The following BCL2L11 variants were observed in gnomAD, a reference collection of about 807,000 sequenced individuals.
BCL2L11 encodes the protein bcl-2-like protein 11.
Under a neutral mutation model 20.6 loss-of-function variants are expected in BCL2L11, and 15 were observed. The observed-to-expected ratio is 0.73, with a 90% CI of 0.49 to 1.12. The LOEUF (loss-of-function observed/expected upper bound fraction) is 1.12, where lower values mean the gene tolerates loss of function less well. Among genes scored for constraint, BCL2L11 ranks in the 50% most tolerant of loss-of-function variants. The pLI is 0.00. For missense variants in BCL2L11, 292 were observed against 260.9 expected, an observed-to-expected ratio of 1.12 and a Z score of -0.82; for synonymous variants, 108 against 92.8, an observed-to-expected ratio of 1.16 and a Z score of -0.94.
intron 2 of BCL2L11, chr2:111,128,500 A>G: frequency 1.6e-6 from 2 of 1,278,356 alleles, no homozygotes; most frequent in South Asian, 2.1e-5. Flanking sequence ...TCTATTTTTA[A>G]TTTTTTGGGG....
chr2:111,159,132 C>T (rs1559085280), intron 3 of BCL2L11, among the ~76,000 whole-genome samples: 1 of 152,174 alleles, frequency 6.6e-6, no homozygotes, highest in Non-Finnish European at 1.5e-5. Flanking sequence ...AGCAACGGGC[C>T]CTTCCCAGCA....
chr2:111,131,032 G>A (rs765655246), intron 2 of BCL2L11, among the ~76,000 whole-genome samples: 14 of 152,050 alleles, frequency 9.2e-5, no homozygotes, highest in African/African-American at 2.4e-4. Flanking sequence ...GAGTATTTGC[G>A]CCTAAGTTCT....
intron 3 of BCL2L11, among the ~76,000 whole-genome samples, chr2:111,158,106 G>C (rs1168368156): frequency 6.6e-6 from 1 of 152,246 alleles, no homozygotes; most frequent in East Asian, 1.9e-4. Context: ...TACCAGCTCA[G>C]CTGCCGTTTG....
intron 3 of BCL2L11, among the ~76,000 whole-genome samples, chr2:111,154,362 A>G (rs530555194): frequency 1.3e-5 from 2 of 152,004 alleles, no homozygotes; most frequent in Admixed American, 6.6e-5. Flanking sequence ...AGAAAAAAAA[A>G]AAAAAAAGAA....
intron 2 of BCL2L11, among the ~76,000 whole-genome samples, chr2:111,127,089 T>G (rs1182881138): frequency 1.3e-5 from 2 of 152,204 alleles, no homozygotes; most frequent in Non-Finnish European, 2.9e-5. Flanking sequence ...TACAGTTTTT[T>G]CACTTTTCCT....
chr2:111,126,973 A>G (rs977236461), intron 2 of BCL2L11, among the ~76,000 whole-genome samples: 8 of 151,542 alleles, frequency 5.3e-5, no homozygotes, highest in African/African-American at 1.5e-4. Context: ...GGAGGAATGT[A>G]TAGTAGTTGA....
intron 3 of BCL2L11, among the ~76,000 whole-genome samples, chr2:111,158,797 T>G (rs2078203299): frequency 6.6e-6 from 1 of 152,216 alleles, no homozygotes; most frequent in Non-Finnish European, 1.5e-5. Flanking sequence ...TTAACTAAAC[T>G]GTGGCTCTCT....
chr2:111,161,353 C>T (rs2078523299), intron 3 of BCL2L11: 9 of 1,522,066 alleles, frequency 5.9e-6, no homozygotes, highest in Non-Finnish European at 8.0e-6. Context: ...TCAGGAAAGA[C>T]AGTCTGTCTT....
chr2:111,151,923 A>G, intron 3 of BCL2L11: 2 of 1,490,788 alleles, frequency 1.3e-6, no homozygotes, highest in Non-Finnish European at 1.8e-6. Flanking sequence ...GGTTGGTTTT[A>G]TAACTTGTCA....
rs2077065300 is a variant in BCL2L11, at chr2:111,150,070, G to A, written c.421G>A (p.Asp141Asn). The change falls in exon 3 of 4, where the codon GAT (aspartate) becomes AAT (asparagine). Residue 141 changes from aspartate to asparagine, a missense_variant. By Grantham distance (23) the Asp-to-Asn change is conservative. Transcript: ENST00000393256. Reference protein sequence around the residue: ...MASMRQAEPADMRPEIWIAQE... With the variant: ...MASMRQAEPANMRPEIWIAQE... The stretch of plus-strand genomic sequence containing the variant: ...TTCCATGAGGCAGGCTGAACCTGCA[G>A]ATATGCGCCCAGAGATATGGATCGC... 1.2e-6 allele frequency: 2 copies of A among 1,614,002 alleles called. No homozygotes were observed. The highest frequency in any genetic ancestry group is 1.7e-6 in the Non-Finnish European group (2 of 1,179,936).
intron 3 of BCL2L11, among the ~76,000 whole-genome samples, chr2:111,152,579 TG>T (rs1439539309): frequency 6.6e-6 from 1 of 152,100 alleles, no homozygotes; most frequent in Non-Finnish European, 1.5e-5. Context: ...AGGCTAAGGC[TG>T]GCATGGGGAC....
intron 2 of BCL2L11, among the ~76,000 whole-genome samples, chr2:111,142,889 A>G (rs1446036815): frequency 6.6e-6 from 1 of 152,234 alleles, no homozygotes; most frequent in Non-Finnish European, 1.5e-5. Flanking sequence ...CTTCAAATTA[A>G]GCATTTTAAT....
chr2:111,145,910 T>C, intron 2 of BCL2L11: 1 of 939,308 alleles, frequency 1.1e-6, no homozygotes, highest in Non-Finnish European at 1.3e-6. Flanking sequence ...AAGTTTTGAT[T>C]AGTGGCTTTC....
rs745471258 is a variant in BCL2L11 at position 111,124,125 on chromosome 2, A to G, written c.380A>G (p.Tyr127Cys). 17 of 1,610,424 alleles carry G rather than the reference A, an allele frequency of 1.1e-5. No individual in the cohort carries two copies. The highest frequency in any genetic ancestry group is 4.5e-5 in the East Asian group (2 of 44,874). ...PSPPCQAFNH[Y>C]LSAMASMRQA... ...CCTCCTTGCCAGGCCTTCAACCACT[A>G]TCTCAGTGCAATGGGTAAGCAATGC... is the stretch of plus-strand genomic sequence containing the variant. Residue 127 changes from tyrosine to cysteine, a missense_variant, in exon 2 of 4, where the codon TAT becomes TGT. By Grantham distance (194) the Tyr-to-Cys change is radical. Coordinates refer to ENST00000393256, the MANE Select transcript of BCL2L11 (RefSeq NM_138621.5).
chr2:111,128,480 A>G (rs1168033726), intron 2 of BCL2L11: 1 of 1,172,746 alleles, frequency 8.5e-7, no homozygotes, highest in Non-Finnish European at 1.1e-6. Context: ...TTGCTGGATC[A>G]TATGGTAATT....
chr2:111,150,881 CT>C lies in BCL2L11; in HGVS notation c.498+738del, dbSNP rs112155620. Among the ~76,000 whole-genome samples the C allele has an allele frequency of 7.8e-4, 104 of 133,568 alleles. 4 individuals are homozygous for C. The highest frequency in any genetic ancestry group is 2.6e-3 in the African/African-American group (87 of 33,834). 87.6% of individuals were successfully genotyped at this position (133,568 alleles called of 152,430 possible). ...TTGGACACCTTTTTCACATGGGACA[CT>C]TTTGTTTGTTTGTTTGTTTGTTTGT... On this transcript the variant is annotated intron_variant, in intron 3 of 3. Transcript: ENST00000393256.
Position 111,123,858 on chromosome 2 carries a change from C to T in BCL2L11, c.113C>T (p.Thr38Ile). 1 of 1,593,196 alleles carries T rather than the reference C, an allele frequency of 6.3e-7. No homozygotes were observed. The highest frequency in any genetic ancestry group is 8.5e-7 in the Non-Finnish European group (1 of 1,169,708). ...CCTGGGGCCCCTACCTCCCTACAGA[C>T]AGAGCCACAAGGTAATCCTGAAGGC... ...LRPGAPTSLQ[T>I]EPQGNPEGNH... The change falls in exon 2 of 4, where the codon ACA becomes ATA. Residue 38 changes from threonine to isoleucine, a missense_variant. Physicochemically the swap from Thr to Ile is moderately conservative, Grantham distance 89. Transcript: ENST00000393256.
chr2:111,141,497 C>T (rs1262767084), intron 2 of BCL2L11, among the ~76,000 whole-genome samples: 2 of 125,556 alleles, frequency 1.6e-5, no homozygotes, highest in African/African-American at 6.3e-5. Context: ...GGGAATATCA[C>T]ACTCTGGGGA....
chr2:111,166,355 C>T lies in BCL2L11; in HGVS notation c.*2124C>T, dbSNP rs561329262. 1.3e-5 allele frequency: 2 copies of T among 152,812 alleles called. No individual in the cohort carries two copies. Among genetic ancestry groups the T allele is most frequent in the Admixed American group, 6.5e-5 (1 of 15,308 alleles). The allele number at this position is 152,812 out of a possible 1,614,324, so 9.5% of individuals were successfully genotyped here. A position where few individuals can be genotyped will look rare whatever the true frequency, so the allele number is the denominator to read the frequency against. On this transcript the variant is annotated 3_prime_UTR_variant, in exon 4 of 4. Transcript: ENST00000393256. ...CTGTGTGCACCACATGAGCACATTT[C>T]CCTCTGGCCTGGCGGCCTCCAGGCT...
Sources: allele counts gnomAD v4.1 joint callset (sites outside exome capture counted in the v4.1 genomes callset), GRCh38; gene constraint gnomAD v4.1.1; transcripts MANE v1.5; gene names NCBI Gene and HGNC (gene_info 2026-07-23, HGNC 2026-07-21).